Variants in C11orf58 observed in about 807,000 individuals in gnomAD.
C11orf58 encodes small acidic protein.
A neutral mutation model predicts 22.7 loss-of-function variants in C11orf58; 5 were observed. That is an observed-to-expected ratio of 0.22 (90% CI 0.12 to 0.46). C11orf58 has a LOEUF of 0.46. Among genes scored for constraint, C11orf58 ranks in the 20% least tolerant of loss-of-function variants. The pLI, the probability that C11orf58 is intolerant of heterozygous loss-of-function variation, is 0.99. For synonymous variants in C11orf58, 71 were observed against 70.7 expected (o/e 1.00, Z -0.02); for missense variants, 151 against 223.3 (o/e 0.68, Z 2.06).
intron 2 of C11orf58, among the ~76,000 whole-genome samples, chr11:16,745,144 A>G (rs1378276148): frequency 6.6e-6 from 1 of 152,170 alleles, no homozygotes; most frequent in Non-Finnish European, 1.5e-5. Context: ...ACTTTCAGAG[A>G]TTATTTCTAT....
intron 1 of C11orf58, among the ~76,000 whole-genome samples, chr11:16,743,437 G>A (rs1181813337): frequency 3.9e-5 from 6 of 152,024 alleles, no homozygotes; most frequent in Non-Finnish European, 8.8e-5. Flanking sequence ...TTCTTGGGTG[G>A]GAGAAAAGCC....
In C11orf58 at chr11:16,754,966, C is replaced by T. The variant is rs777342116; in HGVS notation, c.414C>T (p.Ser138=). The T allele has an allele frequency of 1.2e-5, 19 of 1,613,874 alleles. No homozygotes were observed. Among genetic ancestry groups the T allele is most frequent in the East Asian group, 2.2e-5 (1 of 44,894 alleles). Residue 138 remains serine, a synonymous_variant, in exon 5 of 5, where the codon AGC becomes AGT. Coordinates refer to ENST00000228136, the MANE Select transcript of C11orf58 (RefSeq NM_014267.6). Reference sequence around the variant, plus strand: ...CTGAAAGTCCAGATGATTCTGAAAGCGATTCAGAGTCAGAGAAAGAAGAAT... The same window carrying T: ...CTGAAAGTCCAGATGATTCTGAAAGTGATTCAGAGTCAGAGAAAGAAGAAT... The part of the protein sequence containing the change: ...PDPESPDDSE[S]DSESEKEESA...
chr11:16,754,922 G>A lies in C11orf58; in HGVS notation c.370G>A (p.Asp124Asn), dbSNP rs180720668. 1.4e-5 allele frequency: 22 copies of A among 1,613,990 alleles called. No individual in the cohort carries two copies. In the East Asian group the frequency reaches 3.3e-4, roughly 25 times the overall value. ...TGTGGCTGGAGATGATGATGATGAC[G>A]ATGATGATTCACCTGATCCTGAAAG... is the stretch of plus-strand genomic sequence containing the variant. ...GDVAGDDDDD[D>N]DDSPDPESPD... Residue 124 changes from aspartate to asparagine, a missense_variant, in exon 5 of 5, where the codon GAT (aspartate) becomes AAT (asparagine). By Grantham distance (23) the Asp-to-Asn change is conservative (BLOSUM62 1). Around this residue, in one of 3 missense-constraint regions of C11orf58, gnomAD observed 112 missense variants for 162.6 expected, o/e 0.69. Coordinates refer to ENST00000228136, the MANE Select transcript of C11orf58 (RefSeq NM_014267.6).
chr11:16,750,467 C>G (rs1848524210), intron 3 of C11orf58: 1 of 152,242 alleles, frequency 6.6e-6, no homozygotes. Context: ...AGAGTTGATC[C>G]TGCCTGCTGC....
chr11:16,757,153 A>C lies in C11orf58; in HGVS notation c.*2049A>C, dbSNP rs1848586420. Among the ~76,000 whole-genome samples, 1 of 152,128 alleles carries C rather than the reference A, an allele frequency of 6.6e-6. No homozygotes were observed. The highest frequency in any genetic ancestry group is 1.5e-5 in the Non-Finnish European group (1 of 68,038). ...ACATTTAACAAATACTTGGTTTGAAAAAGTTTGGCTTTATTCAACAATTTT... is the reference window on the plus strand; with the variant it reads ...ACATTTAACAAATACTTGGTTTGAACAAGTTTGGCTTTATTCAACAATTTT... On this transcript the variant is annotated 3_prime_UTR_variant, in exon 5 of 5. Transcript: ENST00000228136.
At chr11:16,749,862 T>TA (rs1385449574) in intron 3 of C11orf58, 1 of 152,192 alleles carries the variant, frequency 6.6e-6, no homozygotes, top group Admixed American at 6.5e-5. Flanking sequence ...GAGTGGCAAG[T>TA]AACAAGCTGC....
At chr11:16,744,387 G>A (rs1848472788) in intron 1 of C11orf58, 1 of 508,626 alleles carries the variant, frequency 2.0e-6, no homozygotes, top group Non-Finnish European at 3.5e-6. Context: ...CTCAGCTCTG[G>A]CTGTAGGAGA....
chr11:16,744,752 T>A, intron 2 of C11orf58, 68 bp downstream of exon 2: 1 of 1,378,854 alleles, frequency 7.3e-7, no homozygotes, highest in African/African-American at 1.4e-5. Flanking sequence ...GTATGCTAAG[T>A]AAGAAGGACT....
rs1196121850 is a variant in C11orf58 at position 16,754,881 on chromosome 11, A to G, written c.329A>G (p.His110Arg). 6.2e-7 allele frequency: 1 copy of G among 1,613,890 alleles called. No homozygotes were observed. The highest frequency in any genetic ancestry group is 8.5e-7 in the Non-Finnish European group (1 of 1,179,976). ...TGATTGATGTTTTAGGTAGAAGACCATGATGGAGAAGGTGATGTGGCTGGA... is the reference window on the plus strand; with the variant it reads ...TGATTGATGTTTTAGGTAGAAGACCGTGATGGAGAAGGTGATGTGGCTGGA... Reference protein sequence around the residue: ...CGLGFSEVEDHDGEGDVAGDD... With the variant: ...CGLGFSEVEDRDGEGDVAGDD... The change falls in exon 5 of 5, where the codon CAT becomes CGT. Residue 110 changes from histidine to arginine, a missense_variant. Transcript: ENST00000228136.
intron 1 of C11orf58, among the ~76,000 whole-genome samples, chr11:16,741,020 C>G (rs896818689): frequency 2.0e-5 from 3 of 150,664 alleles, no homozygotes; most frequent in Non-Finnish European, 2.9e-5. Context: ...GGCGTGAACC[C>G]GGGAGGCGGA....
At position 16,738,789 on chromosome 11, in the gene C11orf58, C is replaced by T; in HGVS notation, c.11C>T (p.Ala4Val). 1 of 1,613,736 alleles carries T rather than the reference C, an allele frequency of 6.2e-7. No individual in the cohort carries two copies. Among genetic ancestry groups the T allele is most frequent in the South Asian group, 1.1e-5 (1 of 91,056 alleles). Residue 4 changes from alanine to valine, a missense_variant, in exon 1 of 5, where the codon GCC (alanine) becomes GTC (valine). Coordinates refer to ENST00000228136, the MANE Select transcript of C11orf58 (RefSeq NM_014267.6). MSA[A>V]RESHPHGVKR... ...GGGATCCCCGCAAGGATGAGTGCTG[C>T]CAGAGAGTCTCACCCGCATGGGGTG...
At position 16,757,183 on chromosome 11, in the gene C11orf58, T is replaced by C. The variant is rs1400902908; in HGVS notation, c.*2079T>C. Among the ~76,000 whole-genome samples, 1 of 152,186 alleles carries C rather than the reference T, an allele frequency of 6.6e-6. No homozygotes were observed. The highest frequency in any genetic ancestry group is 6.6e-5 in the Admixed American group (1 of 15,260). ...TTGGCTTTATTCAACAATTTTAGTT[T>C]GCCCACTGATTTTCAAATGTCTGTG... is the stretch of plus-strand genomic sequence containing the variant. On this transcript the variant is annotated 3_prime_UTR_variant, in exon 5 of 5. Coordinates refer to ENST00000228136, the MANE Select transcript of C11orf58 (RefSeq NM_014267.6).
intron 2 of C11orf58, 171 bp from the exon 3 acceptor site, chr11:16,747,926 C>T: frequency 1.8e-6 from 1 of 569,684 alleles, no homozygotes; most frequent in Non-Finnish European, 3.2e-6. Context: ...TGTCTCCCTT[C>T]CCCATTCCTA....
At chr11:16,751,947 G>A (rs1458335102) in intron 3 of C11orf58, 1 of 152,200 alleles carries the variant, frequency 6.6e-6, no homozygotes, top group Non-Finnish European at 1.5e-5. Flanking sequence ...TAAAGACAAA[G>A]TGGAACATCC....
At chr11:16,739,234 G>A (rs778366853) in intron 1 of C11orf58, among the ~76,000 whole-genome samples, 1 of 152,106 alleles carries the variant, frequency 6.6e-6, no homozygotes, top group Non-Finnish European at 1.5e-5. Flanking sequence ...TGACAATGTC[G>A]AAATGTTCGT....
At chr11:16,748,263 T>TA (rs1848503401) in intron 3 of C11orf58, 106 bp downstream of exon 3, 1 of 931,402 alleles carries the variant, frequency 1.1e-6, no homozygotes, top group African/African-American at 1.7e-5. Flanking sequence ...TGTAAATTAT[T>TA]AAAATATTAT....
Position 16,756,309 on chromosome 11 carries a change from G to A in C11orf58, c.*1205G>A, listed in dbSNP as rs1437340421. The stretch of plus-strand genomic sequence containing the variant: ...TTTTGAGACGGAGTCTCATTCTGTC[G>A]CCCAGGCTGGAGTGCAGTGGCGCGA... On this transcript the variant is annotated 3_prime_UTR_variant, in exon 5 of 5. Transcript: ENST00000228136. The A allele has an allele frequency of 5.5e-5, 7 of 126,382 alleles. No individual in the cohort carries two copies. The highest frequency in any genetic ancestry group is 2.0e-4 in the Admixed American group (2 of 9,834). The allele number at this position is 126,382 out of a possible 1,614,324, so 7.8% of individuals were successfully genotyped here.
intron 1 of C11orf58, among the ~76,000 whole-genome samples, chr11:16,742,593 A>G (rs1438870713): frequency 6.6e-6 from 1 of 152,222 alleles, no homozygotes; most frequent in African/African-American, 2.4e-5. Flanking sequence ...AAGCCCTTCC[A>G]CTAATGAGAA....
At chr11:16,742,851 G>C (rs939337485) in intron 1 of C11orf58, among the ~76,000 whole-genome samples, 1 of 152,032 alleles carries the variant, frequency 6.6e-6, no homozygotes, top group Admixed American at 6.5e-5. Context: ...TGCTAAATGT[G>C]GGGGATTGGT....
Sources: gnomAD v4.1 joint callset for allele counts (sites outside exome capture counted in the v4.1 genomes callset) on GRCh38, gnomAD v4.1.1 for gene constraint, gnomAD v4.1.1 regional missense constraint, MANE v1.5 for transcripts, NCBI Gene and HGNC (gene_info 2026-07-23, HGNC 2026-07-21) for gene names.